Variants in COL4A4 observed in about 807,000 individuals in gnomAD.
The protein encoded by COL4A4 is collagen alpha-4(IV) chain.
COL4A4 carries 105 observed loss-of-function variants against 192.9 expected under a neutral mutation model. The ratio of observed to expected loss-of-function variants is 0.54; its 90% CI spans 0.46 to 0.64. The LOEUF (loss-of-function observed/expected upper bound fraction) is 0.64, where lower values mean the gene tolerates loss of function less well. COL4A4 is among the 30% of genes least tolerant of loss of function. COL4A4 has a pLI of 0.00. For synonymous variants in COL4A4, 762 were observed against 769.9 expected, an observed-to-expected ratio of 0.99 and a Z score of 0.17; for missense variants, 1,967 against 2,169.3, an observed-to-expected ratio of 0.91 and a Z score of 1.85.
At position 227,050,067 on chromosome 2, in the gene COL4A4, C is replaced by A. The variant is rs747167770; in HGVS notation, c.3214+1G>T. On this transcript the variant is annotated splice_donor_variant, in intron 34 of 47. Coordinates refer to ENST00000396625, the MANE Select transcript of COL4A4 (RefSeq NM_000092.5). LOFTEE classifies it high-confidence loss of function. ...ATGGCTTCTGTATCTCCAAACCATA[C>A]CTTTAGGTCCTCTTGCTCCATCAAT... 3 of 1,613,954 alleles carry A rather than the reference C, an allele frequency of 1.9e-6. No individual in the cohort carries two copies. The South Asian group carries it at 3.3e-5, about 18-fold the overall frequency.
In COL4A4 at chr2:227,114,685, C is replaced by T. The variant is rs1436773457; in HGVS notation, c.501G>A (p.Gly167=). ...CTGAATTTCCTTTTTCTCCCTTTTCCCCAGGATGGCCCTGAAAATAAAATA... is the reference window on the plus strand; with the variant it reads ...CTGAATTTCCTTTTTCTCCCTTTTCTCCAGGATGGCCCTGAAAATAAAATA... ...LGPGGPLGHP[G]EKGEKGNSVF... Residue 167 remains glycine (G), a synonymous_variant, in exon 8 of 48, where the codon GGG becomes GGA. Coordinates refer to ENST00000396625, the MANE Select transcript of COL4A4 (RefSeq NM_000092.5). 1.2e-6 allele frequency: 2 copies of T among 1,613,462 alleles called. No individual in the cohort carries two copies. Among genetic ancestry groups the T allele is most frequent in the Non-Finnish European group, 1.7e-6 (2 of 1,179,462 alleles).
At chr2:226,986,037 T>C in the COL4A4 span, among the ~76,000 whole-genome samples, 2 of 152,258 alleles carry the variant, frequency 1.3e-5, no homozygotes, top group Non-Finnish European at 2.9e-5. Context: ...CACGTTGATA[T>C]GTGATGAGGG....
rs56724633 is a variant in COL4A4, at chr2:227,053,543, CTTTTTTT to C, written c.2860+1044_2860+1050del. 1.1e-4 allele frequency among the ~76,000 whole-genome samples: 11 copies of C among 102,234 alleles called. No homozygotes were observed. The South Asian group carries it at 2.8e-3, about 26-fold the overall frequency. The allele number at this position is 102,234 out of a possible 152,430, so 67.1% of individuals were successfully genotyped here. On this transcript the variant is annotated intron_variant, in intron 31 of 47. Coordinates refer to ENST00000396625, the MANE Select transcript of COL4A4 (RefSeq NM_000092.5). ...GTAAAGAAAACATTTTTTTCTTTTT[CTTTTTTT>C]TTTTTTTTTTTTTTGGAGACAGAAT...
At chr2:227,024,075 G>A (rs749711028) in intron 43 of COL4A4, among the ~76,000 whole-genome samples, 18 of 152,000 alleles carry the variant, frequency 1.2e-4, no homozygotes, top group Non-Finnish European at 2.4e-4. Context: ...CTTCTGTGGT[G>A]ACACAGCTTA....
In COL4A4 at chr2:227,089,952, A is replaced by G. The variant is rs765230841; in HGVS notation, c.1375T>C (p.Tyr459His). The G allele has an allele frequency of 1.9e-6, 3 of 1,612,136 alleles. No homozygotes were observed. Among genetic ancestry groups the G allele is most frequent in the South Asian group, 2.2e-5 (2 of 91,058 alleles). ...LQGLPGSSVI[Y>H]CSVGNPGPQG... ...GGTCCGGGGTTCCCAACACTACAGT[A>G]TATCACTGTCAAGGAGGTAAGGGGG... The change falls in exon 21 of 48, where the codon TAC (tyrosine) becomes CAC (histidine). Residue 459 changes from tyrosine (Y) to histidine (H), a missense_variant. By Grantham distance (83) the Tyr-to-His change is moderately conservative (BLOSUM62 2). Coordinates refer to ENST00000396625, the MANE Select transcript of COL4A4 (RefSeq NM_000092.5).
At chr2:227,061,297 G>C (rs917676794) in intron 26 of COL4A4, among the ~76,000 whole-genome samples, 1 of 152,222 alleles carries the variant, frequency 6.6e-6, no homozygotes, top group African/African-American at 2.4e-5. Flanking sequence ...ATTGCCTTGT[G>C]GTGGGCGGAG....
At position 227,109,272 on chromosome 2, in the gene COL4A4, T is replaced by C. The variant is rs1576576318; in HGVS notation, c.609A>G (p.Ala203=). 1 of 1,613,986 alleles carries C rather than the reference T, an allele frequency of 6.2e-7. No individual in the cohort carries two copies. Among genetic ancestry groups the C allele is most frequent in the East Asian group, 2.2e-5 (1 of 44,886 alleles). ...ATCCTGTGGGACCTGCCGGTCCTCC[T>C]GCACCCCAAGATCCCTAAACATGAG... ...GLPGLPGSWG[A]GGPAGPTGYP... Residue 203 remains alanine, a synonymous_variant, in exon 10 of 48, where the codon GCA becomes GCG. Coordinates refer to ENST00000396625, the MANE Select transcript of COL4A4 (RefSeq NM_000092.5).
At chr2:227,035,529 CA>C (rs112442514) in intron 37 of COL4A4, among the ~76,000 whole-genome samples, 12,952 of 125,508 alleles carry the variant, frequency 0.1, 534 homozygotes, top group East Asian at 0.17. Flanking sequence ...TCTCGTGCAC[CA>C]AAAAAAAAAA....
chr2:227,000,556 T>C, downstream of COL4A4, among the ~76,000 whole-genome samples: 1 of 152,156 alleles, frequency 6.6e-6, no homozygotes, highest in Non-Finnish European at 1.5e-5. Flanking sequence ...AGAGATAATG[T>C]ATGAAGGAAT....
At chr2:226,995,523 G>A in the COL4A4 span, 1 of 1,603,258 alleles carries the variant, frequency 6.2e-7, no homozygotes, top group Non-Finnish European at 8.5e-7. Flanking sequence ...TAGCCAGTGA[G>A]GTGGCATCTT....
Position 227,094,270 on chromosome 2 carries a change from C to G in COL4A4, c.1224G>C (p.Gly408=), listed in dbSNP as rs780658614. The G allele has an allele frequency of 6.2e-7, 1 of 1,613,582 alleles. No homozygotes were observed. The highest frequency in any genetic ancestry group is 1.3e-5 in the African/African-American group (1 of 74,882). ...CAGGAAGACCAGGAAATCCTTGTGG[C>G]CCAGGGGGTCCTATCATGCCTGCAA... The part of the protein sequence containing the change: ...EACAGMIGPP[G]PQGFPGLPGL... The change falls in exon 20 of 48, where the codon GGG becomes GGC. Residue 408 remains glycine (G), a synonymous_variant. Transcript: ENST00000396625.
intron 4 of COL4A4, among the ~76,000 whole-genome samples, chr2:227,129,870 A>G (rs2062325719): frequency 6.6e-6 from 1 of 152,226 alleles, no homozygotes; most frequent in African/African-American, 2.4e-5. Flanking sequence ...ATTCTTTTAA[A>G]TATATTCATC....
chr2:227,107,862 A>G (rs1329757770), intron 12 of COL4A4, among the ~76,000 whole-genome samples: 2 of 149,960 alleles, frequency 1.3e-5, no homozygotes, highest in Non-Finnish European at 3.0e-5. Flanking sequence ...GGTTCAAGCA[A>G]TTCTCCTGCT....
At chr2:227,035,360 T>G (rs1969409024) in intron 37 of COL4A4, among the ~76,000 whole-genome samples, 1 of 152,212 alleles carries the variant, frequency 6.6e-6, no homozygotes, top group Non-Finnish European at 1.5e-5. Flanking sequence ...ATAATTCAAG[T>G]GCTAATTATT....
At chr2:227,048,490 A>G (rs1470001650) in intron 34 of COL4A4, among the ~76,000 whole-genome samples, 1 of 152,212 alleles carries the variant, frequency 6.6e-6, no homozygotes, top group East Asian at 1.9e-4. Flanking sequence ...ACAACCCAAC[A>G]TATCCAGAAA....
intron 8 of COL4A4, 31 bp from the exon 9 acceptor site, chr2:227,111,744 C>A (rs762149253): frequency 6.8e-5 from 109 of 1,607,358 alleles, no homozygotes; most frequent in Non-Finnish European, 1.8e-5. Flanking sequence ...TGCTTTAAGT[C>A]CACACAATGT....
the COL4A4 span, among the ~76,000 whole-genome samples, chr2:226,994,009 T>C: frequency 0.035 from 5,258 of 152,214 alleles, 290 homozygotes; most frequent in African/African-American, 0.12. Context: ...CCAGCCAGGC[T>C]AGTGCTGCCA....
the COL4A4 span, among the ~76,000 whole-genome samples, chr2:226,986,382 G>A: frequency 1.3e-5 from 2 of 151,690 alleles, no homozygotes; most frequent in African/African-American, 4.9e-5. Flanking sequence ...CAAATGTACT[G>A]TAAGATGTTA....
At chr2:227,065,179 C>T (rs747618703) in intron 25 of COL4A4, among the ~76,000 whole-genome samples, 1 of 152,186 alleles carries the variant, frequency 6.6e-6, no homozygotes, top group African/African-American at 2.4e-5. Context: ...GCTTTTCCGA[C>T]GGGCTTAAAA....
Sources: allele counts gnomAD v4.1 joint callset (sites outside exome capture counted in the v4.1 genomes callset), GRCh38; gene constraint gnomAD v4.1.1; transcripts MANE v1.5; gene names NCBI Gene and HGNC (gene_info 2026-07-23, HGNC 2026-07-21).